TXNRD3: variants seen among roughly 807,000 people sequenced by gnomAD.
TXNRD3 encodes the protein thioredoxin reductase 3, also known as TXNRD3 neighbor gene protein.
Under a neutral mutation model 78.2 loss-of-function variants are expected in TXNRD3, and 68 were observed. The observed-to-expected ratio is 0.87, with a 90% CI of 0.72 to 1.06. The LOEUF (loss-of-function observed/expected upper bound fraction) is 1.06, where lower values mean the gene tolerates loss of function less well. Among genes scored for constraint, TXNRD3 ranks in the 50% least tolerant of loss-of-function variants. The probability of loss-of-function intolerance (pLI) is 0.00; values close to 1 mark genes in which losing one functional copy is unlikely to be tolerated. For missense variants in TXNRD3, 751 were observed against 809.5 expected (o/e 0.93, Z 0.88); for synonymous variants, 296 against 300.1 (o/e 0.99, Z 0.14).
Position 126,642,286 on chromosome 3 carries a change from A to G in TXNRD3, c.593-135T>C, listed in dbSNP as rs1000662377. 9.9e-6 allele frequency: 12 copies of G among 1,206,860 alleles called. No homozygotes were observed. The African/African-American group carries it at 1.4e-4, about 14-fold the overall frequency. The allele number at this position is 1,206,860 out of a possible 1,614,324, so 74.8% of individuals were successfully genotyped here. ...GACACCCCACCCCAAAATAAGACAC[A>G]AGGGATTAACCCAAATTTTCCAACT... is the stretch of plus-strand genomic sequence containing the variant. On this transcript the variant is annotated intron_variant, in intron 5 of 15. Coordinates refer to ENST00000524230, the MANE Select transcript of TXNRD3 (RefSeq NM_052883.3).
At chr3:126,651,008 G>A (rs1402744758) in intron 1 of TXNRD3, among the ~76,000 whole-genome samples, 1 of 152,138 alleles carries the variant, frequency 6.6e-6, no homozygotes, top group East Asian at 1.9e-4. Context: ...ATTCATTTCT[G>A]TGTCTCTGCA....
intron 1 of TXNRD3, among the ~76,000 whole-genome samples, chr3:126,653,724 A>G (rs925387108): frequency 1.3e-5 from 2 of 152,238 alleles, no homozygotes; most frequent in African/African-American, 4.8e-5. Flanking sequence ...TAAGTCTTTT[A>G]TAAATGCGCT....
intron 13 of TXNRD3, among the ~76,000 whole-genome samples, chr3:126,612,709 T>G (rs747358189): frequency 5.9e-5 from 9 of 152,246 alleles, no homozygotes; most frequent in Admixed American, 3.3e-4. Context: ...TTCACTGGTT[T>G]TGTCAAATGT....
rs1021346915 is a variant in TXNRD3, at chr3:126,646,285, A to G, written c.305-65T>C. ...AGTTTCAAATCTTTGTGAGTTAAAC[A>G]AAGTGTTACAACACTCAAATGTTCA... On this transcript the variant is annotated intron_variant, in intron 2 of 15. Transcript: ENST00000524230. 35 of 891,542 alleles carry G rather than the reference A, an allele frequency of 3.9e-5. No homozygotes were observed. The Admixed American group carries it at 2.0e-3, about 51-fold the overall frequency. The allele number at this position is 891,542 out of a possible 1,614,324, so 55.2% of individuals were successfully genotyped here. A position where few individuals can be genotyped will look rare whatever the true frequency, so the allele number is the denominator to read the frequency against.
chr3:126,625,000 G>A, intron 10 of TXNRD3: 1 of 174,170 alleles, frequency 5.7e-6, no homozygotes. Flanking sequence ...ACATATGTTG[G>A]CATGGTTCAA....
intron 12 of TXNRD3, among the ~76,000 whole-genome samples, chr3:126,620,565 A>G (rs766744831): frequency 7.9e-5 from 12 of 152,208 alleles, no homozygotes; most frequent in Non-Finnish European, 1.3e-4. Flanking sequence ...AAGGAGAGAC[A>G]GAACAAAAAC....
intron 6 of TXNRD3, among the ~76,000 whole-genome samples, chr3:126,638,772 G>T (rs1932983362): frequency 6.6e-6 from 1 of 152,086 alleles, no homozygotes; most frequent in Non-Finnish European, 1.5e-5. Context: ...TTGTATAGGG[G>T]GAACTTTGAG....
chr3:126,617,196 T>C (rs935685787), intron 12 of TXNRD3, among the ~76,000 whole-genome samples: 20 of 152,212 alleles, frequency 1.3e-4, no homozygotes. Context: ...TGACTCATGC[T>C]ATCCTTCTTA....
At chr3:126,622,567 C>A (rs1295557478) in intron 10 of TXNRD3, 27 bp from the exon 11 acceptor site, 15 of 1,494,996 alleles carry the variant, frequency 1.0e-5, no homozygotes, top group Non-Finnish European at 1.3e-5. Flanking sequence ...ATCAAAAACA[C>A]AAATTATCCA....
At position 126,644,308 on chromosome 3, in the gene TXNRD3, A is replaced by G. The variant is rs753398704; in HGVS notation, c.508T>C (p.Ser170Pro). 1 of 1,536,378 alleles carries G rather than the reference A, an allele frequency of 6.5e-7. No individual in the cohort carries two copies. Among genetic ancestry groups the G allele is most frequent in the Admixed American group, 2.0e-5 (1 of 50,964 alleles). ...TTCTATATTCATACCTTCGCACATGAAAGGCCTCCAGAACCACCACCGATG... is the reference window on the plus strand; with the variant it reads ...TTCTATATTCATACCTTCGCACATGGAAGGCCTCCAGAACCACCACCGATG... Residue 170 changes from serine to proline, a missense_variant, in exon 4 of 16, where the codon TCA becomes CCA. By Grantham distance (74) the Ser-to-Pro change is moderately conservative (BLOSUM62 -1). Coordinates refer to ENST00000524230, the MANE Select transcript of TXNRD3 (RefSeq NM_052883.3).
chr3:126,613,103 T>C (rs1302792370), intron 13 of TXNRD3, among the ~76,000 whole-genome samples: 1 of 152,202 alleles, frequency 6.6e-6, no homozygotes, highest in Non-Finnish European at 1.5e-5. Context: ...ATTACAGACA[T>C]AATTTTTAAA....
At chr3:126,654,336 C>T (rs967448608) in intron 1 of TXNRD3, among the ~76,000 whole-genome samples, 1 of 152,200 alleles carries the variant, frequency 6.6e-6, no homozygotes, top group African/African-American at 2.4e-5. Context: ...TAGGTTATCA[C>T]CCAAAGGCTC....
chr3:126,643,972 A>G lies in TXNRD3; in HGVS notation c.592+9T>C, dbSNP rs2107626372. On this transcript the variant is annotated intron_variant, in intron 5 of 15. Coordinates refer to ENST00000524230, the MANE Select transcript of TXNRD3 (RefSeq NM_052883.3). ...GAGCAGAGAGGAACAACAGAGAAAA[A>G]CAACTTACCCCAGGATGTGCCCTGA... 1 of 1,534,274 alleles carries G rather than the reference A, an allele frequency of 6.5e-7. No individual in the cohort carries two copies. The highest frequency in any genetic ancestry group is 8.7e-7 in the Non-Finnish European group (1 of 1,146,372).
chr3:126,634,612 G>A (rs937328181), intron 6 of TXNRD3, among the ~76,000 whole-genome samples: 33 of 152,160 alleles, frequency 2.2e-4, no homozygotes, highest in African/African-American at 7.7e-4. Flanking sequence ...TGGAAGGTGG[G>A]GCAGGATTCG....
At chr3:126,641,392 G>C (rs937331655) in intron 6 of TXNRD3, among the ~76,000 whole-genome samples, 5 of 152,048 alleles carry the variant, frequency 3.3e-5, no homozygotes, top group African/African-American at 1.2e-4. Flanking sequence ...GCTGCTTCCA[G>C]TCTTAAAGGT....
rs1326846031 is a variant in TXNRD3 at position 126,634,022 on chromosome 3, C to T, written c.742G>A (p.Ala248Thr). The T allele has an allele frequency of 4.0e-6, 6 of 1,518,646 alleles. No individual in the cohort carries two copies. Among genetic ancestry groups the T allele is most frequent in the Admixed American group, 2.1e-5 (1 of 48,728 alleles). The allele number at this position is 1,518,646 out of a possible 1,614,324, so 94.1% of individuals were successfully genotyped here. A position where few individuals can be genotyped will look rare whatever the true frequency, so the allele number is the denominator to read the frequency against. Residue 248 changes from alanine (A) to threonine (T), a missense_variant, in exon 7 of 16, where the codon GCG becomes ACG. Ala to Thr is a moderately conservative substitution (Grantham distance 58, BLOSUM62 0). Coordinates refer to ENST00000524230, the MANE Select transcript of TXNRD3 (RefSeq NM_052883.3). ...AGAGAGCTGATGTGGTTCTGAATCG[C>T]TTTTGTCATTGTCTCCCAGTTGTGC...
chr3:126,632,384 T>C (rs561639931), intron 7 of TXNRD3, among the ~76,000 whole-genome samples: 1 of 152,082 alleles, frequency 6.6e-6, no homozygotes, highest in African/African-American at 2.4e-5. Context: ...AATTCAAAAA[T>C]ACATTTTCAT....
chr3:126,609,890 C>T (rs72971174), intron 14 of TXNRD3, among the ~76,000 whole-genome samples: 11,127 of 152,240 alleles, frequency 0.073, 474 homozygotes, highest in East Asian at 0.2. Flanking sequence ...ACAATGTGTA[C>T]AGTCTCTCCC....
chr3:126,640,102 T>TCCTGTATTC lies in TXNRD3; in HGVS notation c.712+1929_712+1930insGAATACAGG, dbSNP rs1294622441. 4.0e-3 allele frequency among the ~76,000 whole-genome samples: 24 copies of TCCTGTATTC among 5,978 alleles called. 4 individuals carry two copies. Among genetic ancestry groups the TCCTGTATTC allele is most frequent in the Middle Eastern group, 1 (2 of 2 alleles). The allele number at this position is 5,978 out of a possible 152,430, so 3.9% of individuals were successfully genotyped here. A position where few individuals can be genotyped will look rare whatever the true frequency, so the allele number is the denominator to read the frequency against. On this transcript the variant is annotated intron_variant, in intron 6 of 15. Transcript: ENST00000524230. ...AAAGCTGCTTGTGTTTTCTTTTTTT[T>TCCTGTATTC]TTTTTTTTTTTTTTTTTTTTGAGAC...
Sources: gnomAD v4.1 joint callset for allele counts (sites outside exome capture counted in the v4.1 genomes callset) on GRCh38, gnomAD v4.1.1 for gene constraint, MANE v1.5 for transcripts, NCBI Gene and HGNC (gene_info 2026-07-23, HGNC 2026-07-21) for gene names.